The following PRKDC variants were observed in gnomAD, a reference collection of about 807,000 sequenced individuals.
PRKDC encodes protein kinase, DNA-activated, catalytic subunit.
PRKDC carries 82 observed loss-of-function variants against 486.9 expected under a neutral mutation model. The observed-to-expected ratio is 0.17, with a 90% CI of 0.14 to 0.20. The LOEUF is 0.20. Ranked by LOEUF, PRKDC falls within the 10% of genes least tolerant of loss-of-function variation. The probability of loss-of-function intolerance (pLI) is 1.00; values close to 1 mark genes in which losing one functional copy is unlikely to be tolerated. For missense variants in PRKDC, 4,504 were observed against 5,038.2 expected (o/e 0.89, Z 3.21); for synonymous variants, 1,895 against 1,837.0 (o/e 1.03, Z -0.81).
chr8:47,815,034 C>T lies in PRKDC; in HGVS notation c.9557+2416G>A, dbSNP rs900722788. ...CAAAAAAATTAGCCAGGCATGGTGGCGCACGCCTGTGGTCCCAGCTACTTG... is the reference window on the plus strand; with the variant it reads ...CAAAAAAATTAGCCAGGCATGGTGGTGCACGCCTGTGGTCCCAGCTACTTG... On this transcript the variant is annotated intron_variant, in intron 68 of 85. Transcript: ENST00000314191. Among the ~76,000 whole-genome samples, 8 of 152,086 alleles carry T rather than the reference C, an allele frequency of 5.3e-5. No individual in the cohort carries two copies. The East Asian group carries it at 1.2e-3, about 22-fold the overall frequency.
rs750860304 is a variant in PRKDC, at chr8:47,890,429, C to T, written c.3899G>A (p.Ser1300Asn). 4 of 1,591,076 alleles carry T rather than the reference C, an allele frequency of 2.5e-6. No homozygotes were observed. In the East Asian group the frequency reaches 9.1e-5, roughly 36 times the overall value. ...TGCTATAATGTCATGCATGGCAATG[C>T]TTTCTAAGAAGAAAGCCACTGCTTT... is the stretch of plus-strand genomic sequence containing the variant. ...LLKAVAFFLE[S>N]IAMHDIIAAE... The change falls in exon 32 of 86, where the codon AGC (serine) becomes AAC (asparagine). Residue 1300 changes from serine to asparagine, a missense_variant. Physicochemically the swap from Ser to Asn is conservative, Grantham distance 46. This residue lies in a region of PRKDC where 1,969 missense variants were observed against 2,068.9 expected (regional missense o/e 0.95). Transcript: ENST00000314191.
chr8:47,918,439 T>C (rs1563802959), intron 21 of PRKDC, 56 bp from the exon 22 acceptor site: 3 of 1,009,436 alleles, frequency 3.0e-6, no homozygotes, highest in Middle Eastern at 2.1e-4. Flanking sequence ...TCATTTAATG[T>C]ACATTAGAGG....
chr8:47,943,060 T>G, intron 10 of PRKDC, 149 bp downstream of exon 10: 1 of 1,021,632 alleles, frequency 9.8e-7, no homozygotes, highest in Non-Finnish European at 1.4e-6. Context: ...CTGCCTCCCA[T>G]ATGGCTGGCT....
chr8:47,846,764 T>G (rs534035752), intron 54 of PRKDC, among the ~76,000 whole-genome samples: 80 of 152,252 alleles, frequency 5.3e-4, no homozygotes, highest in South Asian at 1.2e-3. Flanking sequence ...CCCTAAAGAC[T>G]CTGACAAAAC....
rs747344110 is a variant in PRKDC at position 47,939,680 on chromosome 8, C to T, written c.984G>A (p.Ala328=). Residue 328 remains alanine (A), a synonymous_variant, in exon 11 of 86, where the codon GCG becomes GCA. Coordinates refer to ENST00000314191, the MANE Select transcript of PRKDC (RefSeq NM_006904.7). ...SFLKQVSNMV[A]KNAEMHKNKL... is the part of the protein sequence containing the mutation. ...TATTTTTATGCATTTCTGCATTTTT[C>T]GCCACCATATTAGAAACCTGCAAAT... 1.9e-5 allele frequency: 30 copies of T among 1,601,766 alleles called. No individual in the cohort carries two copies. Among genetic ancestry groups the T allele is most frequent in the South Asian group, 1.7e-4 (15 of 88,004 alleles).
chr8:47,828,533 T>C (rs2087790204), intron 61 of PRKDC, among the ~76,000 whole-genome samples, 186 bp from the exon 62 acceptor site: 1 of 152,200 alleles, frequency 6.6e-6, no homozygotes, highest in Non-Finnish European at 1.5e-5. Flanking sequence ...AATGTATCTG[T>C]TTGATGTATG....
At chr8:47,888,417 C>T (rs2089381770) in intron 34 of PRKDC, 101 bp downstream of exon 34, 1 of 1,020,232 alleles carries the variant, frequency 9.8e-7, no homozygotes, top group South Asian at 3.2e-5. Context: ...CCCATTTCAG[C>T]ATGCTCAATA....
chr8:47,871,694 G>A (rs1212267752), intron 40 of PRKDC, among the ~76,000 whole-genome samples: 1 of 152,000 alleles, frequency 6.6e-6, no homozygotes, highest in East Asian at 1.9e-4. Context: ...CACCTCCAGG[G>A]TTCAAGCGAT....
intron 10 of PRKDC, among the ~76,000 whole-genome samples, chr8:47,941,455 C>A (rs888426792): frequency 6.6e-6 from 1 of 152,178 alleles, no homozygotes; most frequent in African/African-American, 2.4e-5. Context: ...CGAGACCCAA[C>A]AACCCACTAT....
Position 47,862,144 on chromosome 8 carries a change from T to C in PRKDC, c.5920-17A>G, listed in dbSNP as rs1237432637. On this transcript the variant is annotated splice_polypyrimidine_tract_variant and intron_variant, in intron 43 of 85. Transcript: ENST00000314191. ...AAGCAAGTTCTGTGAATACAAAGAA[T>C]CATATAAAAATAGCTGAATGGTGAA... 3 of 1,536,478 alleles carry C rather than the reference T, an allele frequency of 2.0e-6. No homozygotes were observed. The highest frequency in any genetic ancestry group is 2.6e-6 in the Non-Finnish European group (3 of 1,135,736).
At chr8:47,921,267 A>C (rs1437097136) in intron 21 of PRKDC, among the ~76,000 whole-genome samples, 3 of 152,072 alleles carry the variant, frequency 2.0e-5, no homozygotes. Context: ...AAAAAAAAGA[A>C]AAAAAAATGA....
At chr8:47,827,240 A>G (rs2087760294) in intron 62 of PRKDC, among the ~76,000 whole-genome samples, 1 of 152,132 alleles carries the variant, frequency 6.6e-6, no homozygotes. Flanking sequence ...TTCCATCAAA[A>G]AGAATAAAAC....
rs1453436389 is a variant in PRKDC, at chr8:47,777,984, C to T, written c.11854-110G>A. The stretch of plus-strand genomic sequence containing the variant: ...TTACTGTTCACATTTAGTAAAAATA[C>T]AGACTCTGCTTCCCTTGAAATCAGC... On this transcript the variant is annotated intron_variant, in intron 83 of 85. Transcript: ENST00000314191. The T allele has an allele frequency of 1.6e-5, 16 of 1,018,916 alleles. No homozygotes were observed. The South Asian group carries it at 2.5e-4, about 16-fold the overall frequency. The allele number at this position is 1,018,916 out of a possible 1,614,324, so 63.1% of individuals were successfully genotyped here. A position where few individuals can be genotyped will look rare whatever the true frequency, so the allele number is the denominator to read the frequency against.
intron 30 of PRKDC, among the ~76,000 whole-genome samples, chr8:47,895,942 G>A (rs1285140744): frequency 1.3e-5 from 2 of 152,106 alleles, no homozygotes; most frequent in Non-Finnish European, 2.9e-5. Context: ...TGGAGGATGA[G>A]GCAGGAGAAT....
At chr8:47,787,436 T>A (rs1034100616) in intron 76 of PRKDC, among the ~76,000 whole-genome samples, 29 of 152,254 alleles carry the variant, frequency 1.9e-4, no homozygotes, top group Non-Finnish European at 1.6e-4. Context: ...CTGAAAGACA[T>A]AATGCCCTTA....
In PRKDC at chr8:47,897,375, C is replaced by T. The variant is rs2089599810; in HGVS notation, c.3465-81G>A. On this transcript the variant is annotated intron_variant, in intron 29 of 85. Coordinates refer to ENST00000314191, the MANE Select transcript of PRKDC (RefSeq NM_006904.7). ...ACCAAGGCTCTAGAAATCATAAACT[C>T]ATCTTTATCACACAGATATATGTAG... 3.0e-6 allele frequency: 4 copies of T among 1,318,316 alleles called. No homozygotes were observed. The East Asian group carries it at 9.5e-5, about 31-fold the overall frequency. 81.7% of individuals were successfully genotyped at this position (1,318,316 alleles called of 1,614,324 possible). A position where few individuals can be genotyped will look rare whatever the true frequency, so the allele number is the denominator to read the frequency against.
chr8:47,836,839 C>T (rs1308288096), intron 57 of PRKDC, among the ~76,000 whole-genome samples: 2 of 152,258 alleles, frequency 1.3e-5, no homozygotes, highest in Non-Finnish European at 1.5e-5. Flanking sequence ...CACATACACA[C>T]GTGCCACTGG....
intron 73 of PRKDC, among the ~76,000 whole-genome samples, chr8:47,796,145 G>A (rs1004017890): frequency 2.0e-5 from 3 of 151,714 alleles, no homozygotes; most frequent in African/African-American, 4.8e-5. Context: ...CGCCCACCTC[G>A]GCCTCCCAAA....
intron 11 of PRKDC, among the ~76,000 whole-genome samples, chr8:47,937,092 T>TA (rs1258352052): frequency 0.025 from 2,943 of 119,844 alleles, 43 homozygotes; most frequent in Middle Eastern, 0.038. Context: ...CGTCTCTACT[T>TA]AAAAAAAAAA....
Sources: gnomAD v4.1 joint callset for allele counts (sites outside exome capture counted in the v4.1 genomes callset) on GRCh38, gnomAD v4.1.1 for gene constraint, gnomAD v4.1.1 regional missense constraint, MANE v1.5 for transcripts, NCBI Gene and HGNC (gene_info 2026-07-23, HGNC 2026-07-21) for gene names.